CCDC30: variants seen among roughly 807,000 people sequenced by gnomAD.
CCDC30 encodes coiled-coil domain-containing protein 30.
In CCDC30, 70 loss-of-function variants were observed where a neutral mutation model predicts 100.2. The ratio of observed to expected loss-of-function variants is 0.70; its 90% CI spans 0.58 to 0.85. The LOEUF (loss-of-function observed/expected upper bound fraction) is 0.85. CCDC30 is among the 40% of genes least tolerant of loss of function. The pLI, the probability that CCDC30 is intolerant of heterozygous loss-of-function variation, is 0.00. For missense variants in CCDC30, 652 were observed against 771.2 expected, an observed-to-expected ratio of 0.85 and a Z score of 1.83; for synonymous variants, 233 against 269.5, an observed-to-expected ratio of 0.86 and a Z score of 1.33.
chr1:42,535,107 T>C (rs1644870420), intron 6 of CCDC30: 1 of 152,210 alleles, frequency 6.6e-6, no homozygotes, highest in African/African-American at 2.4e-5. Flanking sequence ...TCTAGGAATG[T>C]ACATCCTATG....
At chr1:42,538,723 T>A (rs1304954218) in intron 6 of CCDC30, among the ~76,000 whole-genome samples, 1 of 152,242 alleles carries the variant, frequency 6.6e-6, no homozygotes, top group Non-Finnish European at 1.5e-5. Context: ...TCACTTAAGA[T>A]CTCTGAGCCT....
At chr1:42,465,183 A>G (rs1234616570) in intron 1 of CCDC30, among the ~76,000 whole-genome samples, 4 of 151,980 alleles carry the variant, frequency 2.6e-5, no homozygotes, top group Admixed American at 6.6e-5. Flanking sequence ...ATGGTGGAGC[A>G]CTCCTGTAGC....
chr1:42,558,903 G>T (rs1197084901), intron 6 of CCDC30, among the ~76,000 whole-genome samples: 1 of 152,096 alleles, frequency 6.6e-6, no homozygotes, highest in African/African-American at 2.4e-5. Context: ...GAAAGGCCAG[G>T]TCACCTACAA....
intron 6 of CCDC30, among the ~76,000 whole-genome samples, chr1:42,534,289 T>C (rs1050845059): frequency 6.6e-6 from 1 of 151,792 alleles, no homozygotes; most frequent in African/African-American, 2.4e-5. Flanking sequence ...TCAGGTGCCA[T>C]AAGGGTGGGG....
At chr1:42,606,596 C>T (rs554133106) in intron 10 of CCDC30, among the ~76,000 whole-genome samples, 24 of 152,306 alleles carry the variant, frequency 1.6e-4, no homozygotes, top group Middle Eastern at 3.4e-3. Context: ...ATCTTCTTTG[C>T]ATGAGCAGGT....
chr1:42,562,641 A>C (rs1405009251), intron 6 of CCDC30, among the ~76,000 whole-genome samples: 1 of 152,262 alleles, frequency 6.6e-6, no homozygotes, highest in Non-Finnish European at 1.5e-5. Flanking sequence ...TCTGCACAGC[A>C]AAAGAAACTA....
At chr1:42,570,254 G>T (rs976230159) in intron 7 of CCDC30, among the ~76,000 whole-genome samples, 3 of 151,710 alleles carry the variant, frequency 2.0e-5, no homozygotes, top group Admixed American at 1.3e-4. Flanking sequence ...TGAGCCCAGG[G>T]ATTTGAAGCT....
intron 5 of CCDC30, among the ~76,000 whole-genome samples, chr1:42,498,275 G>A (rs541081405): frequency 7.9e-5 from 12 of 152,200 alleles, no homozygotes; most frequent in Non-Finnish European, 1.5e-4. Context: ...GCCAGTGGCT[G>A]GGGAGAGGGA....
intron 4 of CCDC30, among the ~76,000 whole-genome samples, chr1:42,496,722 A>G (rs1405607674): frequency 6.6e-6 from 1 of 152,204 alleles, no homozygotes; most frequent in African/African-American, 2.4e-5. Context: ...GGAGGTATGT[A>G]AAAGAGACAG....
At chr1:42,653,248 T>A (rs1290463953) in intron 15 of CCDC30, 128 bp from the exon 20 acceptor site, 12 of 483,082 alleles carry the variant, frequency 2.5e-5, no homozygotes, top group East Asian at 2.2e-4. Flanking sequence ...TTCTGTACCC[T>A]TTTATGTTTT....
chr1:42,460,067 G>C (rs555182356), upstream of CCDC30: 1 of 1,405,682 alleles, frequency 7.1e-7, no homozygotes, highest in East Asian at 2.5e-5. Context: ...ATATGGTTTG[G>C]CATTTGTCTT....
In CCDC30 at chr1:42,508,851, G is replaced by T. The variant is rs763333368; in HGVS notation, c.456+9935G>T. ...AAAAAGCCCTTTTTCAAAAAAACAGGCTCCAAGAAGAGAAAAGCATAAAGG... is the reference window on the plus strand; with the variant it reads ...AAAAAGCCCTTTTTCAAAAAAACAGTCTCCAAGAAGAGAAAAGCATAAAGG... On this transcript the variant is annotated intron_variant, in intron 6 of 16. Transcript: ENST00000668663. Among the ~76,000 whole-genome samples, 100 of 152,204 alleles carry T rather than the reference G, an allele frequency of 6.6e-4. 5 individuals are homozygous for T. Among genetic ancestry groups the T allele is most frequent in the South Asian group, 1.9e-3 (9 of 4,830 alleles).
chr1:42,482,903 A>G, intron 3 of CCDC30, 87 bp downstream of exon 3: 1 of 858,514 alleles, frequency 1.2e-6, no homozygotes, highest in Non-Finnish European at 1.5e-6. Flanking sequence ...AAAAAAAAAA[A>G]CACTGAGAAA....
chr1:42,628,262 T>C (rs1417138769), intron 11 of CCDC30, among the ~76,000 whole-genome samples: 1 of 152,200 alleles, frequency 6.6e-6, no homozygotes, highest in Admixed American at 6.5e-5. Context: ...TTTGGAATGC[T>C]GTAGTTACCC....
intron 6 of CCDC30, chr1:42,537,343 A>G (rs1644925377): frequency 2.3e-6 from 1 of 439,242 alleles, no homozygotes; most frequent in African/African-American, 2.0e-5. Context: ...ACACTCAATC[A>G]GTTTGTAGTT....
At chr1:42,456,885 CTTCGGGCCCAGCCCT>C in the CCDC30 span, 1 of 1,612,818 alleles carries the variant, frequency 6.2e-7, no homozygotes, top group African/African-American at 1.3e-5. Flanking sequence ...GCTCTGCGGC[CTTCGGGCCCAGCCCT>C]TTCGGGCTTG....
At chr1:42,459,959 C>T, upstream of CCDC30, 3 of 1,553,406 alleles carry the variant, frequency 1.9e-6, no homozygotes, top group South Asian at 3.7e-5. Flanking sequence ...AAAAATTGTT[C>T]AGGGCTCTTA....
chr1:42,491,484 G>A lies in CCDC30; in HGVS notation c.241+1255G>A, dbSNP rs114363783. ...GAGAATAAAGGGGCAGTTTCAGTGG[G>A]AGGTGGGGAATGGTTAATGGGTAAA... is the stretch of plus-strand genomic sequence containing the variant. On this transcript the variant is annotated intron_variant, in intron 4 of 16. Coordinates refer to ENST00000668663, the Ensembl canonical transcript of CCDC30. Among the ~76,000 whole-genome samples, 1,181 of 148,760 alleles carry A rather than the reference G, an allele frequency of 7.9e-3. 7 individuals are homozygous for A. Among genetic ancestry groups the A allele is most frequent in the Non-Finnish European group, 0.013 (863 of 67,430 alleles).
intron 6 of CCDC30, among the ~76,000 whole-genome samples, chr1:42,542,168 A>G (rs1645023875): frequency 6.6e-6 from 1 of 152,226 alleles, no homozygotes; most frequent in Non-Finnish European, 1.5e-5. Flanking sequence ...CTGTTCCACA[A>G]TAGCCATGTC....
Sources: allele counts gnomAD v4.1 joint callset (sites outside exome capture counted in the v4.1 genomes callset), GRCh38; gene constraint gnomAD v4.1.1; transcripts MANE v1.5; gene names NCBI Gene and HGNC (gene_info 2026-07-23, HGNC 2026-07-21).